The following HVCN1 variants were observed in gnomAD, a reference collection of about 807,000 sequenced individuals.
HVCN1 encodes voltage-gated hydrogen channel 1.
Under a neutral mutation model 29.2 loss-of-function variants are expected in HVCN1, and 14 were observed. That is an observed-to-expected ratio of 0.48 (90% CI 0.32 to 0.75). The LOEUF is 0.75. Ranked by LOEUF, HVCN1 falls within the 30% of genes least tolerant of loss-of-function variation. The pLI is 0.04. For synonymous variants in HVCN1, 131 were observed against 133.2 expected, an observed-to-expected ratio of 0.98 and a Z score of 0.11; for missense variants, 263 against 341.8, an observed-to-expected ratio of 0.77 and a Z score of 1.82.
chr12:110,672,651 A>G (rs2068623116), intron 3 of HVCN1, among the ~76,000 whole-genome samples: 1 of 152,098 alleles, frequency 6.6e-6, no homozygotes, highest in Admixed American at 6.5e-5. Flanking sequence ...CCCCACCCAA[A>G]TCTCAACTTG....
At chr12:110,678,872 C>G (rs1043056344) in intron 3 of HVCN1, among the ~76,000 whole-genome samples, 1 of 152,172 alleles carries the variant, frequency 6.6e-6, no homozygotes, top group African/African-American at 2.4e-5. Flanking sequence ...CTGGGAATGA[C>G]TGAGAGGGGA....
intron 2 of HVCN1, among the ~76,000 whole-genome samples, chr12:110,698,318 C>T (rs1026498687): frequency 6.6e-6 from 1 of 152,186 alleles, no homozygotes; most frequent in Non-Finnish European, 1.5e-5. Flanking sequence ...CTGTTGAAGT[C>T]GGTGAGACTT....
At chr12:110,670,269 AT>A (rs1297035309) in intron 3 of HVCN1, among the ~76,000 whole-genome samples, 4 of 152,182 alleles carry the variant, frequency 2.6e-5, no homozygotes, top group African/African-American at 9.7e-5. Flanking sequence ...TCCCTAGTTC[AT>A]TGTTATCTGA....
At chr12:110,701,322 T>C (rs1353589166) in intron 2 of HVCN1, among the ~76,000 whole-genome samples, 1 of 152,076 alleles carries the variant, frequency 6.6e-6, no homozygotes, top group Non-Finnish European at 1.5e-5. Context: ...TAGAGCAGTG[T>C]TTTTCCAAGT....
chr12:110,655,337 A>G lies in HVCN1; in HGVS notation c.308T>C (p.Val103Ala). Residue 103 changes from valine to alanine, a missense_variant and splice_region_variant, in exon 5 of 8, where the codon GTC becomes GCC. By Grantham distance (64) the Val-to-Ala change is moderately conservative. This residue lies in a region of HVCN1 where 157 missense variants were observed against 181.3 expected (regional missense o/e 0.87). Coordinates refer to ENST00000242607, the MANE Select transcript of HVCN1 (RefSeq NM_032369.4). ...CAGAACCACCAAGCAGATGATGATGACCTGTGGGCCGAGGGAAGGTGCCAG... is the reference window on the plus strand; with the variant it reads ...CAGAACCACCAAGCAGATGATGATGGCCTGTGGGCCGAGGGAAGGTGCCAG... ...RKLFSSHRFQ[V>A]IIICLVVLDA... The G allele has an allele frequency of 6.2e-7, 1 of 1,612,292 alleles. No individual in the cohort carries two copies. The highest frequency in any genetic ancestry group is 2.2e-5 in the East Asian group (1 of 44,824).
chr12:110,686,025 G>A (rs2069169464), intron 2 of HVCN1, among the ~76,000 whole-genome samples: 2 of 151,806 alleles, frequency 1.3e-5, no homozygotes, highest in Admixed American at 1.3e-4. Flanking sequence ...CTGAGACAGA[G>A]TCTCGTTCTG....
intron 3 of HVCN1, among the ~76,000 whole-genome samples, chr12:110,665,709 C>CA (rs771143560): frequency 1.3e-5 from 2 of 151,726 alleles, no homozygotes; most frequent in Non-Finnish European, 2.9e-5. Context: ...ATGGAATCTA[C>CA]AAAAAAGATC....
chr12:110,677,698 A>T (rs2068793739), intron 3 of HVCN1, among the ~76,000 whole-genome samples: 1 of 152,140 alleles, frequency 6.6e-6, no homozygotes, highest in Admixed American at 6.6e-5. Flanking sequence ...CCTATTTTTA[A>T]AATCAGGGAA....
chr12:110,682,937 C>G, intron 3 of HVCN1: 1 of 344,022 alleles, frequency 2.9e-6, no homozygotes. Flanking sequence ...GCACTCCAGC[C>G]TGGGAAACAA....
rs2067619606 is a variant in HVCN1, at chr12:110,648,871, A to C, written c.*539T>G. On this transcript the variant is annotated 3_prime_UTR_variant, in exon 8 of 8. Coordinates refer to ENST00000242607, the MANE Select transcript of HVCN1 (RefSeq NM_032369.4). Reference sequence around the variant, plus strand: ...TTGAGGAAAAATGTTGTCAGGTGGCAGAAAACAATGGAGCCACCTAGAAGC... The same window carrying C: ...TTGAGGAAAAATGTTGTCAGGTGGCCGAAAACAATGGAGCCACCTAGAAGC... 5.2e-6 allele frequency: 2 copies of C among 381,138 alleles called. No individual in the cohort carries two copies. The highest frequency in any genetic ancestry group is 8.0e-5 in the Admixed American group (2 of 24,876). 23.6% of individuals were successfully genotyped at this position (381,138 alleles called of 1,614,324 possible).
chr12:110,698,237 C>T (rs1194864058), intron 2 of HVCN1, among the ~76,000 whole-genome samples: 4 of 152,136 alleles, frequency 2.6e-5, no homozygotes, highest in East Asian at 1.9e-4. Flanking sequence ...TAGCTTCAAG[C>T]GATCCTCCCG....
chr12:110,666,189 C>T (rs970280934), intron 3 of HVCN1, among the ~76,000 whole-genome samples: 61 of 152,008 alleles, frequency 4.0e-4, no homozygotes, highest in Non-Finnish European at 4.9e-4. Flanking sequence ...GAGGCTGAGG[C>T]GGGCGGATCA....
intron 3 of HVCN1, among the ~76,000 whole-genome samples, chr12:110,666,826 T>A (rs1257021882): frequency 2.6e-5 from 4 of 152,162 alleles, no homozygotes; most frequent in Admixed American, 2.6e-4. Context: ...CCCCTCCCAT[T>A]TATAACCTCT....
chr12:110,692,726 A>AAAAAAC (rs527629500), upstream of HVCN1, among the ~76,000 whole-genome samples: 24 of 152,224 alleles, frequency 1.6e-4, 1 homozygote, highest in South Asian at 1.0e-3. Context: ...CCTGTCTCTT[A>AAAAAAC]AAAAACAAAA....
At chr12:110,673,614 T>C (rs1260286643) in intron 3 of HVCN1, among the ~76,000 whole-genome samples, 1 of 152,060 alleles carries the variant, frequency 6.6e-6, no homozygotes, top group Admixed American at 6.6e-5. Context: ...AAAAAGTGGT[T>C]TCATGGGCCT....
chr12:110,697,309 C>T (rs79665985), intron 2 of HVCN1, among the ~76,000 whole-genome samples: 1 of 151,894 alleles, frequency 6.6e-6, no homozygotes. Context: ...CAGGACCAAG[C>T]TAGGGCCTGG....
In HVCN1 at chr12:110,661,550, G is replaced by T. The variant is rs2068173004; in HGVS notation, c.22-102C>A. ...CCACTGCAGGTGAAGATGGTCCCGG[G>T]TGCGTAGAACCCCCTGCAAGCAGAG... is the stretch of plus-strand genomic sequence containing the variant. On this transcript the variant is annotated intron_variant, in intron 3 of 7. Coordinates refer to ENST00000242607, the MANE Select transcript of HVCN1 (RefSeq NM_032369.4). This position sits in a 1 kb window ranked among gnomAD's most constrained non-coding sequence, Gnocchi z 6.2. 1.8e-6 allele frequency: 2 copies of T among 1,124,600 alleles called. No homozygotes were observed. Among genetic ancestry groups the T allele is most frequent in the African/African-American group, 1.5e-5 (1 of 64,732 alleles). The allele number at this position is 1,124,600 out of a possible 1,614,324, so 69.7% of individuals were successfully genotyped here.
intron 2 of HVCN1, among the ~76,000 whole-genome samples, chr12:110,696,250 G>A (rs958784815): frequency 6.6e-6 from 1 of 151,928 alleles, no homozygotes; most frequent in African/African-American, 2.4e-5. Flanking sequence ...CACTGTGCCC[G>A]GCCAGGACCA....
At chr12:110,695,743 A>G (rs1168067801) in intron 2 of HVCN1, among the ~76,000 whole-genome samples, 2 of 152,222 alleles carry the variant, frequency 1.3e-5, no homozygotes, top group African/African-American at 2.4e-5. Context: ...CCTTTTCAGA[A>G]GAGAGAACAG....
Sources: gnomAD v4.1 joint callset for allele counts (sites outside exome capture counted in the v4.1 genomes callset) on GRCh38, gnomAD v4.1.1 for gene constraint, gnomAD v4.1.1 regional missense constraint, Gnocchi (gnomAD v3.1) non-coding constraint, MANE v1.5 for transcripts, NCBI Gene and HGNC (gene_info 2026-07-23, HGNC 2026-07-21) for gene names.